Variants in INPP5D observed in about 807,000 individuals in gnomAD.
INPP5D encodes phosphatidylinositol 3,4,5-trisphosphate 5-phosphatase 1.
In INPP5D, 33 loss-of-function variants were observed where a neutral mutation model predicts 122.9. The ratio of observed to expected loss-of-function variants is 0.27; its 90% CI spans 0.20 to 0.36. The LOEUF is 0.36. Ranked by LOEUF, INPP5D falls within the 10% of genes least tolerant of loss-of-function variation. The pLI is 1.00. For synonymous variants in INPP5D, 584 were observed against 576.2 expected, an observed-to-expected ratio of 1.01 and a Z score of -0.19; for missense variants, 1,053 against 1,412.7, an observed-to-expected ratio of 0.75 and a Z score of 4.08.
rs938667302 is a variant in INPP5D at position 233,144,332 on chromosome 2, G to T, written c.754-1830G>T. Among the ~76,000 whole-genome samples, 100 of 146,598 alleles carry T rather than the reference G, an allele frequency of 6.8e-4. 1 individual carries two copies. Among genetic ancestry groups the T allele is most frequent in the African/African-American group, 2.4e-3 (94 of 39,708 alleles). ...GGAGGTCGTCATGATTATGGTAAGA[G>T]TGGGAGGGGTGGAGATGGTGGTGGT... On this transcript the variant is annotated intron_variant, in intron 6 of 26. Transcript: ENST00000445964.
At chr2:233,204,793 C>T (rs915610916) in intron 26 of INPP5D, 76 bp downstream of exon 26, 6 of 1,179,888 alleles carry the variant, frequency 5.1e-6, no homozygotes, top group African/African-American at 1.6e-5. Flanking sequence ...TGTACCTATG[C>T]ATATGTGTGT....
intron 2 of INPP5D, among the ~76,000 whole-genome samples, chr2:233,109,047 G>GA (rs141807861): frequency 0.045 from 6,844 of 152,322 alleles, 215 homozygotes; most frequent in Non-Finnish European, 0.068. Context: ...GGTTGTGGCA[G>GA]AAAACAGAAG....
rs540410785 is a variant in INPP5D, at chr2:233,199,879, C to G, written c.2975+1503C>G. Among the ~76,000 whole-genome samples the G allele has an allele frequency of 1.6e-3, 238 of 152,266 alleles. No homozygotes were observed. The Middle Eastern group carries it at 0.02, about 13-fold the overall frequency. ...AGAGCTAGTTAACCTTTGGGCATCT[C>G]CCGCTCCCTAGAGGGCCCTGTGGAA... On this transcript the variant is annotated intron_variant, in intron 25 of 26. Transcript: ENST00000445964.
At chr2:233,080,403 G>A (rs1380331396) in intron 2 of INPP5D, among the ~76,000 whole-genome samples, 1 of 151,440 alleles carries the variant, frequency 6.6e-6, no homozygotes, top group East Asian at 1.9e-4. Flanking sequence ...GTGGCAAGAA[G>A]GAAGGAGACA....
At position 233,197,913 on chromosome 2, in the gene INPP5D, C is replaced by G. The variant is rs182007571; in HGVS notation, c.2694-182C>G. ...GCCTGGGGCCAGGTGCTTACGAGGCCCTCAGTAATCACGGTGTTGCATGGA... is the reference window on the plus strand; with the variant it reads ...GCCTGGGGCCAGGTGCTTACGAGGCGCTCAGTAATCACGGTGTTGCATGGA... On this transcript the variant is annotated intron_variant, in intron 24 of 26. Coordinates refer to ENST00000445964, the MANE Select transcript of INPP5D (RefSeq NM_001017915.3). This position sits in a 1 kb window ranked among gnomAD's most constrained non-coding sequence, Gnocchi z 4.4. Among the ~76,000 whole-genome samples the G allele has an allele frequency of 1.3e-3, 204 of 152,236 alleles. 1 individual carries two copies. The highest frequency in any genetic ancestry group is 6.9e-4 in the Non-Finnish European group (47 of 67,998).
chr2:233,146,970 A>G (rs1693778334), intron 8 of INPP5D, among the ~76,000 whole-genome samples: 1 of 152,132 alleles, frequency 6.6e-6, no homozygotes, highest in African/African-American at 2.4e-5. Context: ...TCCCCACCCC[A>G]AAGTCCGTTC....
intron 9 of INPP5D, among the ~76,000 whole-genome samples, chr2:233,149,301 A>G (rs776871470): frequency 1.3e-5 from 2 of 152,074 alleles, no homozygotes; most frequent in East Asian, 3.9e-4. Context: ...GGGTTTCACC[A>G]TGTTGGTCAG....
At chr2:233,202,931 C>T (rs778442736) in intron 25 of INPP5D, among the ~76,000 whole-genome samples, 6 of 152,218 alleles carry the variant, frequency 3.9e-5, no homozygotes, top group Non-Finnish European at 8.8e-5. Flanking sequence ...CCCCAGTACT[C>T]GCAAGTGTCC....
intron 9 of INPP5D, 137 bp downstream of exon 9, chr2:233,147,731 T>G (rs1308263038): frequency 3.3e-6 from 2 of 614,346 alleles, no homozygotes; most frequent in Non-Finnish European, 5.9e-6. Flanking sequence ...TGCTTTTGTG[T>G]GTGTGTGTGT....
intron 5 of INPP5D, among the ~76,000 whole-genome samples, chr2:233,131,625 G>C (rs1323464743): frequency 6.6e-6 from 1 of 152,140 alleles, no homozygotes; most frequent in Non-Finnish European, 1.5e-5. Context: ...ACTTGAACCT[G>C]GGAGGCTGAG....
intron 11 of INPP5D, among the ~76,000 whole-genome samples, chr2:233,162,980 G>A (rs530156779): frequency 7.2e-5 from 11 of 152,338 alleles, no homozygotes; most frequent in South Asian, 6.2e-4. Context: ...AGGCCATGCC[G>A]CAGGAGGGCC....
In INPP5D at chr2:233,163,837, T is replaced by C; in HGVS notation, c.1371T>C (p.Ser457=). 6.2e-7 allele frequency: 1 copy of C among 1,613,506 alleles called. No homozygotes were observed. ...YVIGTQEDPL[S]EKEWLEILKH... is the part of the protein sequence containing the mutation. The stretch of plus-strand genomic sequence containing the variant: ...TCGGCACCCAAGAGGACCCCCTGAG[T>C]GAGAAGGAGTGGCTGGAGATCCTCA... The change falls in exon 12 of 27, where the codon AGT becomes AGC. Residue 457 remains serine (S), a synonymous_variant. Coordinates refer to ENST00000445964, the MANE Select transcript of INPP5D (RefSeq NM_001017915.3).
At chr2:233,088,547 C>T (rs115974039) in intron 2 of INPP5D, among the ~76,000 whole-genome samples, 1 of 152,370 alleles carries the variant, frequency 6.6e-6, no homozygotes, top group Non-Finnish European at 1.5e-5. Context: ...TCTCAAGCTT[C>T]TGTTTCCTCC....
rs1694836051 is a variant in INPP5D at position 233,183,576 on chromosome 2, G to A, written c.2162-832G>A. On this transcript the variant is annotated intron_variant, in intron 19 of 26. Coordinates refer to ENST00000445964, the MANE Select transcript of INPP5D (RefSeq NM_001017915.3). The surrounding 1 kb of genome is among the most constrained non-coding windows in gnomAD (Gnocchi z 4.6). ...CTCTGAGCTCCTGCAGCCTTGAAGG[G>A]GTTGCCCTTGCCATCTCCTCCTCTA... is the stretch of plus-strand genomic sequence containing the variant. Among the ~76,000 whole-genome samples, 1 of 152,144 alleles carries A rather than the reference G, an allele frequency of 6.6e-6. No homozygotes were observed. The highest frequency in any genetic ancestry group is 2.4e-5 in the African/African-American group (1 of 41,424).
At chr2:233,169,426 A>T in intron 14 of INPP5D, 25 bp downstream of exon 14, 1 of 1,569,102 alleles carries the variant, frequency 6.4e-7, no homozygotes, top group South Asian at 1.2e-5. Flanking sequence ...TCCCCCCAAG[A>T]GTGTGCATTT....
At chr2:233,178,459 A>ATTATTTATTTATTTAT (rs58617952) in intron 18 of INPP5D, among the ~76,000 whole-genome samples, 321 of 145,408 alleles carry the variant, frequency 2.2e-3, no homozygotes, top group African/African-American at 6.3e-3. Context: ...GTGGTATTTT[A>ATTATTTATTTATTTAT]TTATTTATTT....
chr2:233,137,969 A>AGATTATATTGTATTAATAATG (rs1353358366), intron 5 of INPP5D, among the ~76,000 whole-genome samples: 3 of 45,466 alleles, frequency 6.6e-5, no homozygotes, highest in African/African-American at 1.8e-4. Flanking sequence ...ATATTATAAT[A>AGATTATATTGTATTAATAATG]TAATGAGATT....
intron 23 of INPP5D, among the ~76,000 whole-genome samples, chr2:233,194,457 G>A (rs1039873247): frequency 6.8e-6 from 1 of 147,262 alleles, no homozygotes; most frequent in African/African-American, 2.5e-5. Flanking sequence ...CCCTCATGGT[G>A]CCCACCCAGG....
intron 2 of INPP5D, among the ~76,000 whole-genome samples, chr2:233,098,801 A>T (rs1692221170): frequency 6.6e-6 from 1 of 152,100 alleles, no homozygotes; most frequent in South Asian, 2.1e-4. Flanking sequence ...GCGCCCCTCC[A>T]CGAGTGCAGT....
Sources: allele counts gnomAD v4.1 joint callset (sites outside exome capture counted in the v4.1 genomes callset), GRCh38; gene constraint gnomAD v4.1.1; non-coding constraint Gnocchi (gnomAD v3.1); transcripts MANE v1.5; gene names NCBI Gene and HGNC (gene_info 2026-07-23, HGNC 2026-07-21).